The following GNPDA2 variants were observed in gnomAD, a reference collection of about 807,000 sequenced individuals.
The protein encoded by GNPDA2 is glcN6P deaminase 2.
A neutral mutation model predicts 27.0 loss-of-function variants in GNPDA2; 24 were observed. That is an observed-to-expected ratio of 0.89 (90% CI 0.64 to 1.25). GNPDA2 has a LOEUF of 1.25. GNPDA2 is among the 50% of genes most tolerant of loss of function. The pLI, the probability that GNPDA2 is intolerant of heterozygous loss-of-function variation, is 0.00. For synonymous variants in GNPDA2, 94 were observed against 108.4 expected (o/e 0.87, Z 0.83); for missense variants, 286 against 335.1 (o/e 0.85, Z 1.14).
intron 2 of GNPDA2, among the ~76,000 whole-genome samples, chr4:44,719,787 T>A (rs1717555108): frequency 6.6e-6 from 1 of 151,550 alleles, no homozygotes; most frequent in Admixed American, 6.6e-5. Flanking sequence ...AAAAAAAGAC[T>A]GAAGAAAAAA....
In GNPDA2 at chr4:44,702,568, A is replaced by G; in HGVS notation, c.*513T>C. 1.0e-6 allele frequency: 1 copy of G among 988,224 alleles called. No individual in the cohort carries two copies. Among genetic ancestry groups the G allele is most frequent in the East Asian group, 1.1e-4 (1 of 8,842 alleles). 61.2% of individuals were successfully genotyped at this position (988,224 alleles called of 1,614,324 possible). A position where few individuals can be genotyped will look rare whatever the true frequency, so the allele number is the denominator to read the frequency against. ...TCCTTTACCAATGATATATAGCACA[A>G]TTTTTGATGTCTAGATGGTGCTGTA... On this transcript the variant is annotated 3_prime_UTR_variant, in exon 7 of 7. Transcript: ENST00000295448.
intron 5 of GNPDA2, among the ~76,000 whole-genome samples, chr4:44,710,430 T>C (rs1716899978): frequency 1.3e-5 from 2 of 152,124 alleles, no homozygotes; most frequent in African/African-American, 4.8e-5. Flanking sequence ...ACTTAAAAAT[T>C]ACACAGGGTC....
chr4:44,725,500 T>G (rs1177958919), intron 1 of GNPDA2, among the ~76,000 whole-genome samples: 1 of 152,184 alleles, frequency 6.6e-6, no homozygotes, highest in Non-Finnish European at 1.5e-5. Flanking sequence ...GGGATATTCA[T>G]AATCAGGTGA....
intron 3 of GNPDA2, among the ~76,000 whole-genome samples, chr4:44,717,831 G>C (rs1717405594): frequency 6.6e-6 from 1 of 151,798 alleles, no homozygotes; most frequent in Admixed American, 6.6e-5. Flanking sequence ...TTTTAACACA[G>C]AGTTTCTATG....
chr4:44,726,032 G>C (rs1194752362), intron 1 of GNPDA2, among the ~76,000 whole-genome samples: 1 of 152,130 alleles, frequency 6.6e-6, no homozygotes, highest in Non-Finnish European at 1.5e-5. Flanking sequence ...GGGTGGCCTG[G>C]CCGCGCGTGT....
In GNPDA2 at chr4:44,702,236, GTAATTCC is replaced by G. The variant is rs1399619462; in HGVS notation, c.*838_*844del. The stretch of plus-strand genomic sequence containing the variant: ...AATTGCTATGGCAATGTAGTTTACA[GTAATTCC>G]TTTTATATATACTTCGTATTATTCT... On this transcript the variant is annotated 3_prime_UTR_variant, in exon 7 of 7. Transcript: ENST00000295448. 17 of 674,690 alleles carry G rather than the reference GTAATTCC, an allele frequency of 2.5e-5. No individual in the cohort carries two copies. In the African/African-American group the frequency reaches 2.5e-4, roughly 10 times the overall value. 41.8% of individuals were successfully genotyped at this position (674,690 alleles called of 1,614,324 possible). A position where few individuals can be genotyped will look rare whatever the true frequency, so the allele number is the denominator to read the frequency against.
intron 6 of GNPDA2, chr4:44,705,276 A>G: frequency 1.0e-6 from 1 of 981,930 alleles, no homozygotes; most frequent in Non-Finnish European, 1.2e-6. Context: ...TACATTTGAA[A>G]TGTGTTTATT....
intron 4 of GNPDA2, among the ~76,000 whole-genome samples, chr4:44,716,519 T>TATAC (rs1553879241): frequency 6.6e-6 from 1 of 151,128 alleles, no homozygotes; most frequent in African/African-American, 2.4e-5. Flanking sequence ...AGATTATATA[T>TATAC]ACACACACAT....
At chr4:44,708,063 G>T in intron 5 of GNPDA2, 137 bp from the exon 6 acceptor site, 3 of 518,370 alleles carry the variant, frequency 5.8e-6, no homozygotes, top group Non-Finnish European at 1.0e-5. Flanking sequence ...AATAGTTCAA[G>T]GTATTCATTT....
chr4:44,703,301 A>G, intron 6 of GNPDA2, 159 bp from the exon 7 acceptor site: 1 of 1,393,100 alleles, frequency 7.2e-7, no homozygotes, highest in Non-Finnish European at 9.3e-7. Flanking sequence ...GAAATGTTTC[A>G]GAATGTCTTA....
In GNPDA2 at chr4:44,714,700, T is replaced by A. The variant is rs545641688; in HGVS notation, c.409+2413A>T. 2.4e-5 allele frequency: 24 copies of A among 981,354 alleles called. No individual in the cohort carries two copies. In the African/African-American group the frequency reaches 3.0e-4, roughly 12 times the overall value. The allele number at this position is 981,354 out of a possible 1,614,324, so 60.8% of individuals were successfully genotyped here. ...GGTAGTTGTAAGACCCAGATGCCAA[T>A]CCTCATCTAAAAATCCAATGATGAT... On this transcript the variant is annotated intron_variant, in intron 4 of 6. Transcript: ENST00000295448.
At chr4:44,719,562 C>T (rs1717538999) in intron 2 of GNPDA2, among the ~76,000 whole-genome samples, 1 of 151,950 alleles carries the variant, frequency 6.6e-6, no homozygotes, top group Admixed American at 6.6e-5. Context: ...TTACGTTTCT[C>T]AACAACTATA....
rs10010606 is a variant in GNPDA2, at chr4:44,702,259, G to A, written c.*822C>T. The A allele has an allele frequency of 2.0e-4, 121 of 607,664 alleles. No individual in the cohort carries two copies. The highest frequency in any genetic ancestry group is 1.9e-3 in the African/African-American group (94 of 50,036). 37.6% of individuals were successfully genotyped at this position (607,664 alleles called of 1,614,324 possible). A position where few individuals can be genotyped will look rare whatever the true frequency, so the allele number is the denominator to read the frequency against. ...CAGTAATTCCTTTTATATATACTTC[G>A]TATTATTCTTTTAGACATTTTATAA... is the stretch of plus-strand genomic sequence containing the variant. On this transcript the variant is annotated 3_prime_UTR_variant, in exon 7 of 7. Transcript: ENST00000295448.
intron 1 of GNPDA2, among the ~76,000 whole-genome samples, chr4:44,722,952 C>G (rs922167374): frequency 6.6e-6 from 1 of 152,050 alleles, no homozygotes; most frequent in African/African-American, 2.4e-5. Context: ...TAGGATCACA[C>G]TAGACATGTT....
At chr4:44,725,995 T>C (rs990212704) in intron 1 of GNPDA2, among the ~76,000 whole-genome samples, 2 of 152,108 alleles carry the variant, frequency 1.3e-5, no homozygotes, top group Non-Finnish European at 2.9e-5. Context: ...TTTTCCCTAC[T>C]CAACCTGACC....
chr4:44,717,393 C>T (rs1470303103), intron 3 of GNPDA2, 98 bp from the exon 4 acceptor site: 4 of 611,944 alleles, frequency 6.5e-6, no homozygotes, highest in Non-Finnish European at 5.4e-6. Flanking sequence ...AATCTAACTT[C>T]TCTATACCAT....
intron 5 of GNPDA2, among the ~76,000 whole-genome samples, chr4:44,708,570 C>G (rs972999314): frequency 1.3e-5 from 2 of 152,034 alleles, no homozygotes; most frequent in Admixed American, 6.6e-5. Flanking sequence ...AAAATCCAAG[C>G]TCTTGGTCCC....
intron 3 of GNPDA2, 119 bp downstream of exon 3, chr4:44,718,190 A>G: frequency 2.3e-6 from 1 of 442,912 alleles, no homozygotes; most frequent in Non-Finnish European, 4.1e-6. Context: ...AAATATATTC[A>G]TACATTAATA....
intron 1 of GNPDA2, among the ~76,000 whole-genome samples, chr4:44,722,556 T>G (rs1717744737): frequency 6.6e-6 from 1 of 152,202 alleles, no homozygotes; most frequent in African/African-American, 2.4e-5. Context: ...AAAAGATGTT[T>G]GCATCTGTAT....
Sources: allele counts gnomAD v4.1 joint callset (sites outside exome capture counted in the v4.1 genomes callset), GRCh38; gene constraint gnomAD v4.1.1; transcripts MANE v1.5; gene names NCBI Gene and HGNC (gene_info 2026-07-23, HGNC 2026-07-21).